The following PRR11 variants were observed in gnomAD, a reference collection of about 807,000 sequenced individuals.
PRR11 encodes the protein proline-rich protein 11.
A neutral mutation model predicts 45.6 loss-of-function variants in PRR11; 30 were observed. That is an observed-to-expected ratio of 0.66 (90% CI 0.49 to 0.89). PRR11 has a LOEUF of 0.89. PRR11 is among the 40% of genes least tolerant of loss of function. The probability of loss-of-function intolerance (pLI) is 0.00; values close to 1 mark genes in which losing one functional copy is unlikely to be tolerated. For synonymous variants in PRR11, 128 were observed against 153.5 expected, an observed-to-expected ratio of 0.83 and a Z score of 1.23; for missense variants, 373 against 424.8, an observed-to-expected ratio of 0.88 and a Z score of 1.07.
intron 9 of PRR11, among the ~76,000 whole-genome samples, chr17:59,200,685 G>A (rs2046888189): frequency 6.6e-6 from 1 of 152,024 alleles, no homozygotes; most frequent in Non-Finnish European, 1.5e-5. Flanking sequence ...GTAGAGACAG[G>A]GTTTCACCGT....
At chr17:59,162,567 A>G (rs2046658647) in intron 1 of PRR11, among the ~76,000 whole-genome samples, 1 of 152,134 alleles carries the variant, frequency 6.6e-6, no homozygotes, top group Non-Finnish European at 1.5e-5. Flanking sequence ...CCTGACTCCC[A>G]ATTGTCAGAG....
rs2046850463 is a variant in PRR11 at position 59,193,675 on chromosome 17, C to G, written c.586C>G (p.Pro196Ala). The change falls in exon 5 of 10, where the codon CCT becomes GCT. Residue 196 changes from proline (P) to alanine (A), a missense_variant. By Grantham distance (27) the Pro-to-Ala change is conservative. Transcript: ENST00000262293. Reference sequence around the variant, plus strand: ...TCCTCCACCTCCACCTCTGCCACCTCCTCCACCACCACTAGCACCTGTGTT... The same window carrying G: ...TCCTCCACCTCCACCTCTGCCACCTGCTCCACCACCACTAGCACCTGTGTT... ...PPPPPPPLPP[P>A]PPPLAPVLLR... The G allele has an allele frequency of 6.2e-7, 1 of 1,614,002 alleles. No homozygotes were observed. The highest frequency in any genetic ancestry group is 1.1e-5 in the South Asian group (1 of 91,088).
At chr17:59,186,421 A>C (rs1241956372) in intron 4 of PRR11, among the ~76,000 whole-genome samples, 1 of 115,372 alleles carries the variant, frequency 8.7e-6, no homozygotes, top group South Asian at 2.8e-4. Flanking sequence ...TTTTAGACAG[A>C]ATCTCACTCT....
chr17:59,182,764 C>T (rs376859105), intron 2 of PRR11, among the ~76,000 whole-genome samples: 3 of 152,180 alleles, frequency 2.0e-5, no homozygotes, highest in East Asian at 3.9e-4. Context: ...GGTCCCGACA[C>T]TTCATCATCC....
rs1219659088 is a variant in PRR11 at position 59,171,475 on chromosome 17, C to A, written c.128+1595C>A. 2.0e-5 allele frequency among the ~76,000 whole-genome samples: 3 copies of A among 151,948 alleles called. No individual in the cohort carries two copies. In the East Asian group the frequency reaches 5.8e-4, roughly 29 times the overall value. On this transcript the variant is annotated intron_variant, in intron 2 of 9. Coordinates refer to ENST00000262293, the MANE Select transcript of PRR11 (RefSeq NM_018304.4). ...TCAGCAGCACATGTAACCATAGATA[C>A]AAAGATTTAAATATAAAAGATTTAG...
chr17:59,199,731 A>G (rs915317376), intron 9 of PRR11, among the ~76,000 whole-genome samples: 1 of 152,144 alleles, frequency 6.6e-6, no homozygotes, highest in Admixed American at 6.5e-5. Context: ...TTTCCACCCC[A>G]ATATTGTCTT....
intron 4 of PRR11, among the ~76,000 whole-genome samples, chr17:59,188,471 A>G (rs1010318880): frequency 6.6e-5 from 10 of 152,170 alleles, no homozygotes; most frequent in Admixed American, 3.9e-4. Context: ...AATAGCGAAA[A>G]CTTACAAAGA....
At chr17:59,155,972 G>A (rs1380055094) in intron 1 of PRR11, among the ~76,000 whole-genome samples, 167 bp downstream of exon 1, 1 of 152,088 alleles carries the variant, frequency 6.6e-6, no homozygotes, top group African/African-American at 2.4e-5. Flanking sequence ...AGAAGTGCTC[G>A]GCCTGGCTTC....
At chr17:59,178,719 T>G (rs1321970809) in intron 2 of PRR11, among the ~76,000 whole-genome samples, 1 of 152,124 alleles carries the variant, frequency 6.6e-6, no homozygotes, top group East Asian at 1.9e-4. Flanking sequence ...GAGACTCCCC[T>G]GAGAAGAGGC....
At position 59,205,540 on chromosome 17, in the gene PRR11, A is replaced by T. The variant is rs370274923; in HGVS notation, c.*3909A>T. On this transcript the variant is annotated 3_prime_UTR_variant, in exon 10 of 10. Transcript: ENST00000262293. ...AACATGGTGAAACCCTGTCTCTACTAAAAATACAAAAATTAGCCGGGCATA... is the reference window on the plus strand; with the variant it reads ...AACATGGTGAAACCCTGTCTCTACTTAAAATACAAAAATTAGCCGGGCATA... 0.44 allele frequency among the ~76,000 whole-genome samples: 64,817 copies of T among 148,206 alleles called. 16,190 individuals are homozygous for T. Among genetic ancestry groups the T allele is most frequent in the African/African-American group, 0.7 (27,955 of 40,184 alleles).
intron 1 of PRR11, among the ~76,000 whole-genome samples, chr17:59,156,228 G>A (rs955706364): frequency 2.6e-5 from 4 of 152,120 alleles, no homozygotes; most frequent in African/African-American, 9.7e-5. Context: ...TAAAGTTTAA[G>A]TTGGTACATT....
At chr17:59,175,870 T>G (rs2046742202) in intron 2 of PRR11, among the ~76,000 whole-genome samples, 1 of 152,172 alleles carries the variant, frequency 6.6e-6, no homozygotes, top group Non-Finnish European at 1.5e-5. Context: ...ATCTCACCAC[T>G]GCACTCCAGC....
intron 4 of PRR11, among the ~76,000 whole-genome samples, chr17:59,190,333 G>A (rs780842816): frequency 2.1e-4 from 32 of 152,174 alleles, no homozygotes; most frequent in Middle Eastern, 3.4e-3. Context: ...TTAGCTGGGC[G>A]TGTTGTCACA....
chr17:59,197,876 T>C, intron 9 of PRR11, 87 bp downstream of exon 9: 2 of 1,188,662 alleles, frequency 1.7e-6, no homozygotes, highest in Non-Finnish European at 2.5e-6. Context: ...TCCTAACACT[T>C]TGGGAGGCTG....
At position 59,169,885 on chromosome 17, in the gene PRR11, G is replaced by A. The variant is rs776582883; in HGVS notation, c.128+5G>A. 18 of 1,590,070 alleles carry A rather than the reference G, an allele frequency of 1.1e-5. No individual in the cohort carries two copies. Among genetic ancestry groups the A allele is most frequent in the Non-Finnish European group, 1.5e-5 (18 of 1,173,460 alleles). Reference sequence around the variant, plus strand: ...TCCACCACCCTCACCAGAAAGGTAAGGCTTAATGTGGAACAGAAAAAATAT... The same window carrying A: ...TCCACCACCCTCACCAGAAAGGTAAAGCTTAATGTGGAACAGAAAAAATAT... On this transcript the variant is annotated splice_donor_5th_base_variant and intron_variant, in intron 2 of 9. Coordinates refer to ENST00000262293, the MANE Select transcript of PRR11 (RefSeq NM_018304.4).
At chr17:59,155,875 T>G (rs2046620393) in intron 1 of PRR11, 70 bp downstream of exon 1, 1 of 152,710 alleles carries the variant, frequency 6.5e-6, no homozygotes. Context: ...TGTTGCTGCT[T>G]GTGTTTTTAT....
intron 1 of PRR11, among the ~76,000 whole-genome samples, chr17:59,168,437 T>C (rs538034818): frequency 6.6e-6 from 1 of 152,312 alleles, no homozygotes; most frequent in South Asian, 2.1e-4. Context: ...CCCAAAGTGC[T>C]GGGATTACAG....
At chr17:59,169,612 A>G (rs2046697004) in intron 1 of PRR11, 136 bp from the exon 2 acceptor site, 2 of 736,862 alleles carry the variant, frequency 2.7e-6, no homozygotes, top group Non-Finnish European at 4.2e-6. Flanking sequence ...GCTGGTAGTG[A>G]CCTATTTCTT....
chr17:59,161,871 G>A (rs1232305144), intron 1 of PRR11, among the ~76,000 whole-genome samples: 1 of 152,142 alleles, frequency 6.6e-6, no homozygotes, highest in Non-Finnish European at 1.5e-5. Flanking sequence ...TTTTGGAAAG[G>A]GGATAAGTAT....
Sources: allele counts gnomAD v4.1 joint callset (sites outside exome capture counted in the v4.1 genomes callset), GRCh38; gene constraint gnomAD v4.1.1; transcripts MANE v1.5; gene names NCBI Gene and HGNC (gene_info 2026-07-23, HGNC 2026-07-21).